Variants in PRC1 observed in about 807,000 individuals in gnomAD.
The protein encoded by PRC1 is protein regulator of cytokinesis 1.
Under a neutral mutation model 91.2 loss-of-function variants are expected in PRC1, and 54 were observed. The observed-to-expected ratio is 0.59, with a 90% CI of 0.48 to 0.74. The LOEUF (loss-of-function observed/expected upper bound fraction) is 0.74, where lower values mean the gene tolerates loss of function less well. PRC1 is among the 30% of genes least tolerant of loss of function. PRC1 has a pLI of 0.00. For synonymous variants in PRC1, 275 were observed against 263.6 expected (o/e 1.04, Z -0.42); for missense variants, 727 against 746.2 (o/e 0.97, Z 0.30).
Position 90,986,605 on chromosome 15 carries a change from T to C in PRC1, c.12-1780A>G, listed in dbSNP as rs543287755. ...GTGAGCCAAGATTGTACCACTGTACTCCAGCTTGGGCGACAGAGCGAAACT... is the reference window on the plus strand; with the variant it reads ...GTGAGCCAAGATTGTACCACTGTACCCCAGCTTGGGCGACAGAGCGAAACT... On this transcript the variant is annotated intron_variant, in intron 1 of 14. Coordinates refer to ENST00000394249, the MANE Select transcript of PRC1 (RefSeq NM_003981.4). Among the ~76,000 whole-genome samples the C allele has an allele frequency of 4.7e-4, 72 of 152,294 alleles. No individual in the cohort carries two copies. The Middle Eastern group carries it at 0.014, about 29-fold the overall frequency.
At chr15:90,977,726 A>AGTGCCCGCCACC (rs1292086361) in intron 8 of PRC1, among the ~76,000 whole-genome samples, 2 of 151,652 alleles carry the variant, frequency 1.3e-5, no homozygotes, top group African/African-American at 4.8e-5. Context: ...TGGGACTACA[A>AGTGCCCGCCACC]GTGCCCGCCA....
Position 90,984,351 on chromosome 15 carries a change from C to G in PRC1, c.145-211G>C, listed in dbSNP as rs1434309387. 6.6e-6 allele frequency among the ~76,000 whole-genome samples: 1 copy of G among 152,174 alleles called. No individual in the cohort carries two copies. Among genetic ancestry groups the G allele is most frequent in the Non-Finnish European group, 1.5e-5 (1 of 68,038 alleles). ...TCAATAGATTCTCCTGTCTCAGCCT[C>G]TTGAGTAGCTGGGATTACAGGTGCT... On this transcript the variant is annotated intron_variant, in intron 2 of 14. Coordinates refer to ENST00000394249, the MANE Select transcript of PRC1 (RefSeq NM_003981.4). The surrounding 1 kb of genome is among the most constrained non-coding windows in gnomAD (Gnocchi z 5.1).
chr15:90,982,955 A>G (rs1470510003), intron 3 of PRC1, among the ~76,000 whole-genome samples: 1 of 152,094 alleles, frequency 6.6e-6, no homozygotes, highest in Non-Finnish European at 1.5e-5. Flanking sequence ...TTTATAGGAC[A>G]TATACATTTT....
In PRC1 at chr15:90,974,528, G is replaced by A; in HGVS notation, c.1350+57C>T. On this transcript the variant is annotated intron_variant, in intron 10 of 14. Transcript: ENST00000394249. This position sits in a 1 kb window ranked among gnomAD's most constrained non-coding sequence, Gnocchi z 4.6. ...ACCCTGGTCCCCGGCAGAGACTATG[G>A]GCTGCTCAGATTACTTTCTTCGTCT... 4 of 1,607,678 alleles carry A rather than the reference G, an allele frequency of 2.5e-6. No homozygotes were observed. The highest frequency in any genetic ancestry group is 3.4e-6 in the Non-Finnish European group (4 of 1,176,534).
At chr15:90,994,300 G>C in intron 1 of PRC1, 107 bp downstream of exon 1, 2 of 1,532,868 alleles carry the variant, frequency 1.3e-6, no homozygotes, top group Non-Finnish European at 1.8e-6. Context: ...CTGCCGTGAC[G>C]ATCTAGGCCC....
chr15:90,967,407 T>C (rs1251374158), intron 14 of PRC1: 7 of 582,744 alleles, frequency 1.2e-5, no homozygotes, highest in South Asian at 2.0e-5. Context: ...TGTGCACGCA[T>C]GCCCGTGACC....
intron 11 of PRC1, 170 bp downstream of exon 11, chr15:90,973,958 TCCCCTGGG>T: frequency 1.7e-6 from 1 of 578,190 alleles, no homozygotes; most frequent in Non-Finnish European, 3.1e-6. Flanking sequence ...TGAGTGCTGG[TCCCCTGGG>T]CCCACTGTTC....
chr15:90,979,672 A>G (rs1009080543), intron 7 of PRC1, among the ~76,000 whole-genome samples: 1 of 152,240 alleles, frequency 6.6e-6, no homozygotes, highest in African/African-American at 2.4e-5. Context: ...CCATCTTTAT[A>G]TTCAGTGCAG....
At chr15:90,983,250 A>G (rs1272217927) in intron 3 of PRC1, among the ~76,000 whole-genome samples, 3 of 152,148 alleles carry the variant, frequency 2.0e-5, no homozygotes, top group African/African-American at 7.2e-5. Flanking sequence ...CTAACTCCAA[A>G]TAGATATCCA....
chr15:90,981,468 G>A, intron 5 of PRC1, 31 bp downstream of exon 5: 1 of 1,611,742 alleles, frequency 6.2e-7, no homozygotes, highest in Non-Finnish European at 8.5e-7. Flanking sequence ...ATACTACGGA[G>A]ATCCTAGGGC....
chr15:90,994,135 G>A (rs1331747148), intron 1 of PRC1, among the ~76,000 whole-genome samples: 4 of 151,940 alleles, frequency 2.6e-5, no homozygotes, highest in African/African-American at 9.7e-5. Context: ...TGCCGCGTCC[G>A]GGCACCGGCG....
rs1290455470 is a variant in PRC1, at chr15:90,994,435, GC to G, written c.-19del. On this transcript the variant is annotated 5_prime_UTR_variant, in exon 1 of 15. Transcript: ENST00000394249. The stretch of plus-strand genomic sequence containing the variant: ...CTCCTCATGGCGGACGCTCCAAGCA[GC>G]CGTGAGTCCAGGTCCAGACCTACTC... The G allele has an allele frequency of 6.2e-7, 1 of 1,610,816 alleles. No individual in the cohort carries two copies. The highest frequency in any genetic ancestry group is 1.3e-5 in the African/African-American group (1 of 74,612).
Position 90,967,030 on chromosome 15 carries a change from T to G in PRC1, c.*101A>C. 2.8e-6 allele frequency: 3 copies of G among 1,056,096 alleles called. No individual in the cohort carries two copies. Among genetic ancestry groups the G allele is most frequent in the Middle Eastern group, 4.7e-4 (2 of 4,288 alleles). 65.4% of individuals were successfully genotyped at this position (1,056,096 alleles called of 1,614,324 possible). On this transcript the variant is annotated 3_prime_UTR_variant, in exon 15 of 15. Transcript: ENST00000394249. ...CCATGGTCATGGAACCTGGCCAAGG[T>G]TTCAAGCACGCCTAAGCTGAAGAAA...
chr15:90,973,561 G>A (rs56935195), intron 11 of PRC1, among the ~76,000 whole-genome samples: 1,535 of 151,772 alleles, frequency 0.01, 26 homozygotes, highest in African/African-American at 0.035. Flanking sequence ...GAAGGCCTCC[G>A]TCTCCTGCAT....
At chr15:90,993,651 G>C (rs1489509210) in intron 1 of PRC1, among the ~76,000 whole-genome samples, 1 of 152,168 alleles carries the variant, frequency 6.6e-6, no homozygotes, top group East Asian at 1.9e-4. Context: ...TTTCAAGTCG[G>C]ACAGTCCCTC....
intron 14 of PRC1, 144 bp downstream of exon 14, chr15:90,968,935 T>C (rs890253518): frequency 4.6e-5 from 69 of 1,485,160 alleles, no homozygotes; most frequent in Non-Finnish European, 5.7e-5. Flanking sequence ...TCAGATGTGT[T>C]TTTTTGAGTC....
At chr15:90,980,545 G>C (rs1433592055) in intron 6 of PRC1, 156 bp from the exon 7 acceptor site, 1 of 874,082 alleles carries the variant, frequency 1.1e-6, no homozygotes, top group African/African-American at 1.8e-5. Flanking sequence ...TTGAGACAGG[G>C]TCTCACTCTC....
Position 90,974,234 on chromosome 15 carries a change from T to A in PRC1, c.1363A>T (p.Lys455Ter). The A allele has an allele frequency of 1.2e-6, 2 of 1,614,068 alleles. No individual in the cohort carries two copies. The highest frequency in any genetic ancestry group is 1.7e-6 in the Non-Finnish European group (2 of 1,179,898). Residue 455 changes from lysine (K) to a stop codon, truncating the protein, a stop_gained, in exon 11 of 15, where the codon AAA becomes TAA. Transcript: ENST00000394249. LOFTEE classifies it high-confidence loss of function. The surrounding 1 kb of genome is among the most constrained non-coding windows in gnomAD (Gnocchi z 4.6). The stretch of plus-strand genomic sequence containing the variant: ...AGCATCTCTGTCTCTGTCTGTTTTT[T>A]GTTCTTCAGTTGCTGTGTGAAAGTC... ...RAKQERQLKN[K>*]KQTETEMLYG... is the part of the protein sequence containing the mutation.
Position 90,973,602 on chromosome 15 carries a change from A to T in PRC1, c.1461+534T>A, listed in dbSNP as rs180917465. Among the ~76,000 whole-genome samples, 809 of 151,612 alleles carry T rather than the reference A, an allele frequency of 5.3e-3. 12 individuals carry two copies. Among genetic ancestry groups the T allele is most frequent in the African/African-American group, 0.019 (771 of 41,302 alleles). On this transcript the variant is annotated intron_variant, in intron 11 of 14. Coordinates refer to ENST00000394249, the MANE Select transcript of PRC1 (RefSeq NM_003981.4). ...TGGGAACGGAATATCTCGGTGTAAA[A>T]CCCGATCGTACGTACCTATGTTCGT...
Sources: allele counts gnomAD v4.1 joint callset (sites outside exome capture counted in the v4.1 genomes callset), GRCh38; gene constraint gnomAD v4.1.1; non-coding constraint Gnocchi (gnomAD v3.1); transcripts MANE v1.5; gene names NCBI Gene and HGNC (gene_info 2026-07-23, HGNC 2026-07-21).